GRID2: variants seen among roughly 807,000 people sequenced by gnomAD.
GRID2 encodes the protein glutamate ionotropic receptor delta type subunit 2.
In GRID2, 33 loss-of-function variants were observed where a neutral mutation model predicts 114.8. The ratio of observed to expected loss-of-function variants is 0.29; its 90% CI spans 0.22 to 0.38. The LOEUF is 0.38. GRID2 is among the 10% of genes least tolerant of loss of function. GRID2 has a pLI of 1.00. For missense variants in GRID2, 1,184 were observed against 1,257.7 expected (o/e 0.94, Z 0.89); for synonymous variants, 505 against 449.9 (o/e 1.12, Z -1.55).
intron 8 of GRID2, among the ~76,000 whole-genome samples, chr4:93,353,438 C>G (rs1234298863): frequency 1.3e-5 from 2 of 151,798 alleles, no homozygotes; most frequent in African/African-American, 4.8e-5. Context: ...GCTAGGAGAT[C>G]AGATAACAAT....
chr4:93,041,925 C>T (rs999203363), intron 2 of GRID2, among the ~76,000 whole-genome samples: 2 of 151,980 alleles, frequency 1.3e-5, no homozygotes, highest in South Asian at 4.1e-4. Context: ...TTTTTTGAGA[C>T]ATAGTCTCTC....
At chr4:92,352,736 T>G (rs1314342198) in intron 1 of GRID2, among the ~76,000 whole-genome samples, 1 of 151,950 alleles carries the variant, frequency 6.6e-6, no homozygotes, top group African/African-American at 2.4e-5. Flanking sequence ...ATCTAAGTCT[T>G]TTGCCTATAC....
intron 8 of GRID2, among the ~76,000 whole-genome samples, chr4:93,299,207 C>T (rs531599857): frequency 1.8e-4 from 27 of 152,206 alleles, no homozygotes; most frequent in African/African-American, 5.8e-4. Flanking sequence ...AATTCTCAGG[C>T]ACTCGTAGCC....
chr4:92,959,660 G>T (rs905021454), intron 2 of GRID2, among the ~76,000 whole-genome samples: 3 of 152,032 alleles, frequency 2.0e-5, no homozygotes, highest in Non-Finnish European at 4.4e-5. Flanking sequence ...ATACACCATG[G>T]AATACAATGC....
chr4:93,237,722 A>G (rs1746965092), intron 7 of GRID2, among the ~76,000 whole-genome samples: 1 of 151,930 alleles, frequency 6.6e-6, no homozygotes, highest in Non-Finnish European at 1.5e-5. Context: ...CTGTTGGATA[A>G]ATGAACATCT....
intron 2 of GRID2, among the ~76,000 whole-genome samples, chr4:92,907,422 T>C: frequency 6.6e-6 from 1 of 152,246 alleles, no homozygotes; most frequent in Non-Finnish European, 1.5e-5. Context: ...GTTTTAAATT[T>C]TTTTTTGAGA....
At chr4:92,700,597 G>A (rs1734624614) in intron 2 of GRID2, among the ~76,000 whole-genome samples, 1 of 152,190 alleles carries the variant, frequency 6.6e-6, no homozygotes, top group Admixed American at 6.5e-5. Context: ...GCACCTACTA[G>A]GTACAAATAT....
intron 13 of GRID2, among the ~76,000 whole-genome samples, chr4:93,592,052 T>G (rs1298399193): frequency 1.3e-5 from 2 of 152,180 alleles, no homozygotes; most frequent in Non-Finnish European, 2.9e-5. Flanking sequence ...GTGTCTCTAT[T>G]TCCTTCAGTT....
rs181376982 is a variant in GRID2 at position 92,589,847 on chromosome 4, A to G, written c.89-284A>G. On this transcript the variant is annotated intron_variant, in intron 1 of 15. Coordinates refer to ENST00000282020, the MANE Select transcript of GRID2 (RefSeq NM_001510.4). ...ATATAAGATATCCAATGTATTGGAT[A>G]CTTTGTCATGTAGAAGCTTTTTATA... 3.9e-3 allele frequency among the ~76,000 whole-genome samples: 591 copies of G among 152,288 alleles called. 3 individuals carry two copies. Among genetic ancestry groups the G allele is most frequent in the African/African-American group, 0.014 (566 of 41,566 alleles).
intron 2 of GRID2, among the ~76,000 whole-genome samples, chr4:92,669,973 C>T (rs1732977934): frequency 6.6e-6 from 1 of 151,972 alleles, no homozygotes; most frequent in African/African-American, 2.4e-5. Flanking sequence ...ATTATGCCGG[C>T]CTTGATTTGC....
intron 1 of GRID2, among the ~76,000 whole-genome samples, chr4:92,514,115 A>T (rs1269527683): frequency 2.0e-5 from 3 of 151,896 alleles, no homozygotes; most frequent in Non-Finnish European, 4.4e-5. Context: ...TTTCTTTACT[A>T]AACTGCTTAT....
chr4:93,582,746 G>A (rs886101977), intron 13 of GRID2, among the ~76,000 whole-genome samples: 3 of 152,052 alleles, frequency 2.0e-5, no homozygotes, highest in African/African-American at 7.2e-5. Flanking sequence ...AAAAGAAACG[G>A]AATTGTGAGA....
At chr4:92,855,421 T>C (rs1744106307) in intron 2 of GRID2, among the ~76,000 whole-genome samples, 1 of 152,062 alleles carries the variant, frequency 6.6e-6, no homozygotes, top group Non-Finnish European at 1.5e-5. Context: ...CATATGCATG[T>C]ATATTGTCTA....
chr4:92,603,808 G>C (rs532419468), intron 2 of GRID2, among the ~76,000 whole-genome samples: 1 of 151,402 alleles, frequency 6.6e-6, no homozygotes, highest in South Asian at 2.1e-4. Context: ...CTAATGTCCA[G>C]AATCTACAAG....
At chr4:92,654,032 T>C (rs375438309) in intron 2 of GRID2, among the ~76,000 whole-genome samples, 2 of 152,114 alleles carry the variant, frequency 1.3e-5, no homozygotes, top group Non-Finnish European at 2.9e-5. Flanking sequence ...CCAGAAAGTT[T>C]ATATAGTTTG....
intron 13 of GRID2, among the ~76,000 whole-genome samples, chr4:93,549,594 C>A (rs1733568617): frequency 1.3e-5 from 2 of 151,796 alleles, no homozygotes; most frequent in South Asian, 4.2e-4. Context: ...GTCCAATGCC[C>A]AGTGGTCAGA....
intron 4 of GRID2, among the ~76,000 whole-genome samples, chr4:93,152,737 A>G (rs1736843596): frequency 6.6e-6 from 1 of 152,138 alleles, no homozygotes; most frequent in African/African-American, 2.4e-5. Flanking sequence ...AGCTAGCAGT[A>G]ATAAAGTCTA....
intron 2 of GRID2, among the ~76,000 whole-genome samples, chr4:92,746,983 C>T (rs904934907): frequency 6.6e-6 from 1 of 151,952 alleles, no homozygotes; most frequent in Non-Finnish European, 1.5e-5. Context: ...AGTGTACTGC[C>T]TTTTCATTAA....
intron 8 of GRID2, among the ~76,000 whole-genome samples, chr4:93,383,773 C>T (rs192861512): frequency 6.6e-6 from 1 of 152,128 alleles, no homozygotes; most frequent in Non-Finnish European, 1.5e-5. Flanking sequence ...CTGCTCTGGA[C>T]CAGCCTTTTT....
Sources: allele counts gnomAD v4.1 joint callset (sites outside exome capture counted in the v4.1 genomes callset), GRCh38; gene constraint gnomAD v4.1.1; transcripts MANE v1.5; gene names NCBI Gene and HGNC (gene_info 2026-07-23, HGNC 2026-07-21).